Variants in NWD2 observed in about 807,000 individuals in gnomAD.
NWD2 encodes NACHT and WD repeat domain containing 2.
Under a neutral mutation model 132.7 loss-of-function variants are expected in NWD2, and 37 were observed. The ratio of observed to expected loss-of-function variants is 0.28; its 90% CI spans 0.21 to 0.37. The LOEUF (loss-of-function observed/expected upper bound fraction) is 0.37. Among genes scored for constraint, NWD2 ranks in the 10% least tolerant of loss-of-function variants. NWD2 has a pLI of 1.00. For synonymous variants in NWD2, 705 were observed against 803.0 expected, an observed-to-expected ratio of 0.88 and a Z score of 2.06; for missense variants, 1,592 against 2,122.4, an observed-to-expected ratio of 0.75 and a Z score of 4.91.
chr4:37,366,332 A>G (rs1022772483), intron 3 of NWD2, among the ~76,000 whole-genome samples: 2 of 152,172 alleles, frequency 1.3e-5, no homozygotes, highest in African/African-American at 2.4e-5. Flanking sequence ...GGCCCAGTTC[A>G]GTTACTAATG....
chr4:37,285,278 T>C (rs1415871555), intron 1 of NWD2, among the ~76,000 whole-genome samples: 1 of 152,162 alleles, frequency 6.6e-6, no homozygotes, highest in East Asian at 1.9e-4. Context: ...CTAAATTATC[T>C]CTAACATGTG....
chr4:37,359,478 C>T (rs907787282), intron 3 of NWD2, among the ~76,000 whole-genome samples: 2 of 152,074 alleles, frequency 1.3e-5, no homozygotes, highest in African/African-American at 2.4e-5. Context: ...CCAGTTTCCT[C>T]GCCCAGTGCT....
At chr4:37,250,295 A>G (rs1338470208) in intron 1 of NWD2, among the ~76,000 whole-genome samples, 2 of 152,282 alleles carry the variant, frequency 1.3e-5, no homozygotes, top group East Asian at 3.9e-4. Flanking sequence ...ATGAGTTCTA[A>G]AATTTTAGTG....
At chr4:37,270,545 A>G (rs533293756) in intron 1 of NWD2, among the ~76,000 whole-genome samples, 2 of 151,844 alleles carry the variant, frequency 1.3e-5, no homozygotes, top group Admixed American at 1.3e-4. Flanking sequence ...GAGCAAGTAA[A>G]TACAGCACCT....
chr4:37,433,995 C>T lies in NWD2; in HGVS notation c.681C>T (p.Ser227=). Residue 227 remains serine, a synonymous_variant, in exon 5 of 7, where the codon AGC becomes AGT. Transcript: ENST00000309447. ...ACGAAAAGGGTAAAATGAAACACAG[C>T]CAGGCTAAGAGGTACCTGTTCTCAG... ...LLHEKGKMKH[S]QAKRYLFSAI... The T allele has an allele frequency of 1.9e-6, 3 of 1,549,340 alleles. No homozygotes were observed. Among genetic ancestry groups the T allele is most frequent in the Non-Finnish European group, 2.6e-6 (3 of 1,145,634 alleles).
At chr4:37,363,344 C>T (rs1484656228) in intron 3 of NWD2, among the ~76,000 whole-genome samples, 3 of 152,174 alleles carry the variant, frequency 2.0e-5, no homozygotes, top group African/African-American at 7.2e-5. Flanking sequence ...CAAAAAGACA[C>T]ATGTACTCAC....
intron 3 of NWD2, among the ~76,000 whole-genome samples, chr4:37,376,181 GA>G (rs1349186821): frequency 6.6e-6 from 1 of 152,130 alleles, no homozygotes; most frequent in African/African-American, 2.4e-5. Context: ...GAATACTTGT[GA>G]ACCATCTTGA....
intron 1 of NWD2, among the ~76,000 whole-genome samples, chr4:37,263,778 A>G (rs931188846): frequency 3.9e-5 from 6 of 152,202 alleles, no homozygotes; most frequent in African/African-American, 1.4e-4. Flanking sequence ...TTGAAATACA[A>G]GAGTTACTGA....
intron 3 of NWD2, among the ~76,000 whole-genome samples, chr4:37,389,970 G>A (rs1362781219): frequency 6.6e-6 from 1 of 152,036 alleles, no homozygotes; most frequent in Non-Finnish European, 1.5e-5. Flanking sequence ...GGTAGAGATG[G>A]GGTTTCACCA....
At chr4:37,364,666 G>A (rs1477550038) in intron 3 of NWD2, among the ~76,000 whole-genome samples, 2 of 148,990 alleles carry the variant, frequency 1.3e-5, no homozygotes, top group African/African-American at 5.0e-5. Flanking sequence ...ATAAGCAGAT[G>A]TCAGAGCAGA....
At chr4:37,400,496 C>CA (rs1170351339) in intron 3 of NWD2, among the ~76,000 whole-genome samples, 1 of 152,186 alleles carries the variant, frequency 6.6e-6, no homozygotes, top group Admixed American at 6.5e-5. Flanking sequence ...TTAGAAGGAC[C>CA]ATTTTCAATA....
intron 1 of NWD2, among the ~76,000 whole-genome samples, chr4:37,262,399 C>A (rs777206718): frequency 9.2e-5 from 14 of 152,134 alleles, no homozygotes; most frequent in Non-Finnish European, 1.6e-4. Context: ...TCAGCACTAC[C>A]TTTTGTCTTT....
At chr4:37,378,816 T>C (rs891317302) in intron 3 of NWD2, among the ~76,000 whole-genome samples, 1 of 152,158 alleles carries the variant, frequency 6.6e-6, no homozygotes, top group African/African-American at 2.4e-5. Flanking sequence ...AATGGAGAAG[T>C]TTAAAGAATT....
At chr4:37,408,959 T>G (rs189959286) in intron 3 of NWD2, among the ~76,000 whole-genome samples, 60 of 152,088 alleles carry the variant, frequency 3.9e-4, no homozygotes, top group African/African-American at 1.4e-3. Context: ...GAAGGAAAAC[T>G]AACAAACAGG....
rs1387933444 is a variant in NWD2, at chr4:37,439,983, T to C, written c.1296+593T>C. Among the ~76,000 whole-genome samples, 13 of 152,166 alleles carry C rather than the reference T, an allele frequency of 8.5e-5. No homozygotes were observed. The highest frequency in any genetic ancestry group is 1.0e-4 in the Non-Finnish European group (7 of 68,032). On this transcript the variant is annotated intron_variant, in intron 6 of 6. Transcript: ENST00000309447. The surrounding 1 kb of genome is among the most constrained non-coding windows in gnomAD (Gnocchi z 4.5). ...GAAAGGTAAGGTGGCCAGAAAGTTA[T>C]TACGTAACCAGTGCTGTTCTGAACT... is the stretch of plus-strand genomic sequence containing the variant.
chr4:37,391,190 G>A (rs80164141), intron 3 of NWD2, among the ~76,000 whole-genome samples: 11,249 of 152,152 alleles, frequency 0.074, 602 homozygotes, highest in Non-Finnish European at 0.11. Context: ...AATCACTTGC[G>A]GCTGTTCATC....
At chr4:37,296,951 A>G (rs1023988286) in intron 1 of NWD2, among the ~76,000 whole-genome samples, 3 of 152,202 alleles carry the variant, frequency 2.0e-5, no homozygotes, top group Admixed American at 2.0e-4. Context: ...CAGCAACTTC[A>G]TAGAACTTAA....
intron 2 of NWD2, among the ~76,000 whole-genome samples, chr4:37,327,774 C>T (rs1719203198): frequency 6.6e-6 from 1 of 151,954 alleles, no homozygotes; most frequent in Non-Finnish European, 1.5e-5. Flanking sequence ...TTTAGAGAGG[C>T]AGTTCTCTTC....
At chr4:37,312,205 T>C (rs908906931) in intron 1 of NWD2, among the ~76,000 whole-genome samples, 3 of 151,710 alleles carry the variant, frequency 2.0e-5, no homozygotes, top group Non-Finnish European at 4.4e-5. Flanking sequence ...ATTGAATTTA[T>C]AAATTACCTT....
Sources: allele counts gnomAD v4.1 joint callset (sites outside exome capture counted in the v4.1 genomes callset), GRCh38; gene constraint gnomAD v4.1.1; non-coding constraint Gnocchi (gnomAD v3.1); transcripts MANE v1.5; gene names NCBI Gene and HGNC (gene_info 2026-07-23, HGNC 2026-07-21).